The following PLEKHH2 variants were observed in gnomAD, a reference collection of about 807,000 sequenced individuals.
PLEKHH2 encodes pleckstrin homology domain-containing family H member 2.
A neutral mutation model predicts 187.9 loss-of-function variants in PLEKHH2; 129 were observed. The ratio of observed to expected loss-of-function variants is 0.69; its 90% confidence interval spans 0.59 to 0.79. The LOEUF is 0.79. Ranked by LOEUF, PLEKHH2 falls within the 30% of genes least tolerant of loss-of-function variation. PLEKHH2 has a pLI of 0.00. For synonymous variants in PLEKHH2, 686 were observed against 605.6 expected (o/e 1.13, Z -1.95); for missense variants, 2,076 against 1,751.2 (o/e 1.19, Z -3.31).
chr2:43,681,574 G>A (rs1432112781), intron 3 of PLEKHH2: 19 of 1,002,094 alleles, frequency 1.9e-5, no homozygotes, highest in Admixed American at 1.2e-4. Context: ...CCGCACCTTC[G>A]GCACTCATGA....
chr2:43,713,179 CT>C (rs1670052177), intron 15 of PLEKHH2, among the ~76,000 whole-genome samples: 1 of 151,932 alleles, frequency 6.6e-6, no homozygotes, highest in African/African-American at 2.4e-5. Context: ...AGGAAGTGGT[CT>C]TAATTTGCAA....
intron 2 of PLEKHH2, among the ~76,000 whole-genome samples, chr2:43,674,365 T>C (rs1442732515): frequency 6.6e-6 from 1 of 152,214 alleles, no homozygotes; most frequent in Non-Finnish European, 1.5e-5. Flanking sequence ...AGTTATATTG[T>C]AGAAGTGACA....
intron 19 of PLEKHH2, among the ~76,000 whole-genome samples, chr2:43,737,242 G>A (rs1572642291): frequency 6.6e-6 from 1 of 152,284 alleles, no homozygotes; most frequent in Non-Finnish European, 1.5e-5. Flanking sequence ...AAAGTCCAGT[G>A]CCCAAGAGTA....
intron 2 of PLEKHH2, among the ~76,000 whole-genome samples, chr2:43,678,202 C>G (rs1667960182): frequency 6.6e-6 from 1 of 151,376 alleles, no homozygotes; most frequent in African/African-American, 2.4e-5. Context: ...GGCGGCCGGG[C>G]AGAGATGCTC....
At chr2:43,658,118 C>G (rs555874885) in intron 2 of PLEKHH2, among the ~76,000 whole-genome samples, 10 of 152,316 alleles carry the variant, frequency 6.6e-5, no homozygotes, top group African/African-American at 2.4e-4. Flanking sequence ...TAAAATAAAA[C>G]ATATAGGCCT....
At chr2:43,722,849 T>G (rs1312913329) in intron 16 of PLEKHH2, among the ~76,000 whole-genome samples, 1 of 152,106 alleles carries the variant, frequency 6.6e-6, no homozygotes. Flanking sequence ...AAGAAACAAG[T>G]CAGAAGAATG....
At chr2:43,648,128 G>A (rs927376899) in intron 2 of PLEKHH2, among the ~76,000 whole-genome samples, 8 of 152,116 alleles carry the variant, frequency 5.3e-5, no homozygotes, top group African/African-American at 1.7e-4. Flanking sequence ...CTAATAGAGC[G>A]TCTGGCACAC....
At chr2:43,647,515 T>C (rs1287282886) in intron 2 of PLEKHH2, among the ~76,000 whole-genome samples, 3 of 152,138 alleles carry the variant, frequency 2.0e-5, no homozygotes, top group Non-Finnish European at 4.4e-5. Flanking sequence ...TATTCAGCCA[T>C]GCAACATAAA....
chr2:43,669,264 A>C (rs1269269504), intron 2 of PLEKHH2, among the ~76,000 whole-genome samples: 1 of 152,196 alleles, frequency 6.6e-6, no homozygotes, highest in African/African-American at 2.4e-5. Context: ...ATAAACATGG[A>C]AAAAGGTATT....
chr2:43,678,305 G>C (rs1360320136), intron 2 of PLEKHH2, among the ~76,000 whole-genome samples: 1 of 152,020 alleles, frequency 6.6e-6, no homozygotes, highest in African/African-American at 2.4e-5. Context: ...TCCCAGACGG[G>C]GTGGCGGCCG....
At chr2:43,646,829 T>A (rs1437172163) in intron 2 of PLEKHH2, among the ~76,000 whole-genome samples, 1 of 151,502 alleles carries the variant, frequency 6.6e-6, no homozygotes, top group Admixed American at 6.6e-5. Context: ...CTTTTTTTTT[T>A]TTTGGTCTGT....
At chr2:43,745,554 G>C (rs1671743680) in intron 23 of PLEKHH2, among the ~76,000 whole-genome samples, 1 of 152,088 alleles carries the variant, frequency 6.6e-6, no homozygotes, top group Non-Finnish European at 1.5e-5. Context: ...CTTCTTCAGT[G>C]ACCAAATCAT....
intron 2 of PLEKHH2, among the ~76,000 whole-genome samples, chr2:43,656,973 C>A (rs972098761): frequency 6.6e-6 from 1 of 152,146 alleles, no homozygotes; most frequent in Admixed American, 6.5e-5. Context: ...GAGCCGAGAT[C>A]GCGCCATTGC....
At chr2:43,640,459 G>A (rs1395695517) in intron 1 of PLEKHH2, among the ~76,000 whole-genome samples, 6 of 152,178 alleles carry the variant, frequency 3.9e-5, no homozygotes, top group African/African-American at 1.4e-4. Flanking sequence ...CTCTCAAACT[G>A]TTGGGATTAC....
chr2:43,699,921 A>G lies in PLEKHH2; in HGVS notation c.963A>G (p.Gly321=), dbSNP rs1669272184. The change falls in exon 8 of 30, where the codon GGA becomes GGG. Residue 321 remains glycine (G), a synonymous_variant. Coordinates refer to ENST00000282406, the MANE Select transcript of PLEKHH2 (RefSeq NM_172069.4). ...SEEGVQCSRM[G]SEMYLTASDD... ...AAGGGGTCCAGTGTAGCAGGATGGG[A>G]AGTGAAATGTATCTGACAGCATCTG... The G allele has an allele frequency of 6.2e-7, 1 of 1,613,978 alleles. No homozygotes were observed. Among genetic ancestry groups the G allele is most frequent in the Non-Finnish European group, 8.5e-7 (1 of 1,180,014 alleles).
chr2:43,644,777 G>A lies in PLEKHH2; in HGVS notation c.104G>A (p.Arg35Gln), dbSNP rs775976385. ...TTTAGAGTTCAAGCAAGCAAGATACGAGAGCTTTTAGCAGAGAAGGTAAGC... is the reference window on the plus strand; with the variant it reads ...TTTAGAGTTCAAGCAAGCAAGATACAAGAGCTTTTAGCAGAGAAGGTAAGC... ...MKFRVQASKI[R>Q]ELLAEKMQQL... The change falls in exon 2 of 30, where the codon CGA (arginine) becomes CAA (glutamine). Residue 35 changes from arginine (R) to glutamine (Q), a missense_variant. By Grantham distance (43) the Arg-to-Gln change is conservative. Coordinates refer to ENST00000282406, the MANE Select transcript of PLEKHH2 (RefSeq NM_172069.4). The A allele has an allele frequency of 2.7e-5, 44 of 1,608,138 alleles. 3 individuals are homozygous for A. The Middle Eastern group carries it at 6.5e-3, about 236-fold the overall frequency.
At chr2:43,678,311 G>A (rs972589188) in intron 2 of PLEKHH2, among the ~76,000 whole-genome samples, 4 of 152,144 alleles carry the variant, frequency 2.6e-5, no homozygotes, top group Admixed American at 6.5e-5. Flanking sequence ...ACGGGGTGGC[G>A]GCCGGGCAGA....
At chr2:43,684,013 T>C (rs1386320828) in intron 3 of PLEKHH2, among the ~76,000 whole-genome samples, 1 of 152,202 alleles carries the variant, frequency 6.6e-6, no homozygotes, top group Non-Finnish European at 1.5e-5. Context: ...GTACATTTAT[T>C]ACAACTGATG....
intron 11 of PLEKHH2, among the ~76,000 whole-genome samples, chr2:43,708,681 T>C (rs1669793628): frequency 6.6e-6 from 1 of 152,246 alleles, no homozygotes; most frequent in Non-Finnish European, 1.5e-5. Context: ...TTGTTTGCTC[T>C]ATCCCTAGCA....
Sources: gnomAD v4.1 joint callset for allele counts (sites outside exome capture counted in the v4.1 genomes callset) on GRCh38, gnomAD v4.1.1 for gene constraint, MANE v1.5 for transcripts, NCBI Gene and HGNC (gene_info 2026-07-23, HGNC 2026-07-21) for gene names.